Variants in CSTPP1 observed in about 807,000 individuals in gnomAD.
The protein encoded by CSTPP1 is UPF0705 protein C11orf49.
the CSTPP1 span, among the ~76,000 whole-genome samples, chr11:47,070,849 G>A: frequency 1.3e-5 from 2 of 152,072 alleles, no homozygotes; most frequent in Non-Finnish European, 2.9e-5. Context: ...ACTATCATAA[G>A]GCTACTCATG....
At chr11:47,003,082 G>A in the CSTPP1 span, among the ~76,000 whole-genome samples, 2 of 152,104 alleles carry the variant, frequency 1.3e-5, no homozygotes, top group African/African-American at 4.8e-5. Flanking sequence ...AGCCAAGGTG[G>A]GAAAATCACT....
At chr11:47,083,074 C>T in the CSTPP1 span, among the ~76,000 whole-genome samples, 1 of 151,692 alleles carries the variant, frequency 6.6e-6, no homozygotes, top group Non-Finnish European at 1.5e-5. Flanking sequence ...GTGTTGTTCC[C>T]CTCCCTGTGT....
At chr11:47,136,723 T>C in the CSTPP1 span, among the ~76,000 whole-genome samples, 3 of 152,102 alleles carry the variant, frequency 2.0e-5, no homozygotes, top group African/African-American at 7.2e-5. Flanking sequence ...CTCATCCTCC[T>C]CCCAATTAGG....
the CSTPP1 span, among the ~76,000 whole-genome samples, chr11:46,958,205 G>A: frequency 6.6e-6 from 1 of 151,608 alleles, no homozygotes; most frequent in Non-Finnish European, 1.5e-5. Flanking sequence ...TTGCTTTGTT[G>A]TCCAGGCTGG....
chr11:46,983,685 G>C, the CSTPP1 span, among the ~76,000 whole-genome samples: 1 of 152,076 alleles, frequency 6.6e-6, no homozygotes, highest in Non-Finnish European at 1.5e-5. Context: ...TTTATTGCCA[G>C]GCAAGAGCTT....
At chr11:47,136,107 T>C in the CSTPP1 span, among the ~76,000 whole-genome samples, 1 of 152,198 alleles carries the variant, frequency 6.6e-6, no homozygotes, top group South Asian at 2.1e-4. Context: ...AAGAATGCTA[T>C]CAGATATATC....
chr11:47,131,974 T>TAA, the CSTPP1 span, among the ~76,000 whole-genome samples: 272 of 142,174 alleles, frequency 1.9e-3, 2 homozygotes, highest in African/African-American at 6.5e-3. Context: ...GAGACTCTGT[T>TAA]AAAAAAAAAA....
the CSTPP1 span, among the ~76,000 whole-genome samples, chr11:47,118,314 T>C: frequency 1.3e-5 from 2 of 152,168 alleles, no homozygotes; most frequent in African/African-American, 4.8e-5. Flanking sequence ...TCATTTAAGG[T>C]CTTCTCTACA....
the CSTPP1 span, chr11:46,936,885 A>C: frequency 6.6e-7 from 1 of 1,526,010 alleles, no homozygotes; most frequent in Non-Finnish European, 8.8e-7. Context: ...GGAGGGAAAG[A>C]CGTGCAGACG....
At chr11:47,073,904 T>C in the CSTPP1 span, among the ~76,000 whole-genome samples, 1 of 152,198 alleles carries the variant, frequency 6.6e-6, no homozygotes, top group African/African-American at 2.4e-5. Flanking sequence ...TTTAGTGTAT[T>C]GAGGGTAGAA....
the CSTPP1 span, among the ~76,000 whole-genome samples, chr11:47,034,017 G>T: frequency 6.6e-6 from 1 of 151,752 alleles, no homozygotes; most frequent in South Asian, 2.1e-4. Flanking sequence ...TTTACGTTAG[G>T]TATATCTCCT....
chr11:47,050,123 A>G, the CSTPP1 span, among the ~76,000 whole-genome samples: 1 of 152,224 alleles, frequency 6.6e-6, no homozygotes, highest in Non-Finnish European at 1.5e-5. Context: ...CAGATACACC[A>G]GGAAAATACC....
the CSTPP1 span, chr11:46,936,802 A>G: frequency 1.6e-5 from 26 of 1,610,544 alleles, no homozygotes; most frequent in Non-Finnish European, 2.1e-5. Flanking sequence ...ACCCCGGTCA[A>G]AGGATGCTGA....
At chr11:47,014,840 G>A in the CSTPP1 span, among the ~76,000 whole-genome samples, 3 of 151,814 alleles carry the variant, frequency 2.0e-5, no homozygotes, top group Non-Finnish European at 4.4e-5. Flanking sequence ...AAGTTAGGGG[G>A]GAAGGGGATG....
chr11:47,080,777 G>C, the CSTPP1 span, among the ~76,000 whole-genome samples: 2 of 152,098 alleles, frequency 1.3e-5, no homozygotes, highest in Non-Finnish European at 2.9e-5. Context: ...GGGAGGCCGA[G>C]GCAGGCAGAT....
the CSTPP1 span, among the ~76,000 whole-genome samples, chr11:47,015,357 C>T: frequency 6.6e-6 from 1 of 151,854 alleles, no homozygotes; most frequent in African/African-American, 2.4e-5. Context: ...GCCTGTAATC[C>T]CAGCTACTCA....
chr11:47,075,705 G>A, the CSTPP1 span, among the ~76,000 whole-genome samples: 1 of 152,016 alleles, frequency 6.6e-6, no homozygotes, highest in Non-Finnish European at 1.5e-5. Context: ...GATCACCTGA[G>A]GTCAGGAGCT....
At chr11:47,144,722 A>G in the CSTPP1 span, among the ~76,000 whole-genome samples, 1 of 152,126 alleles carries the variant, frequency 6.6e-6, no homozygotes, top group African/African-American at 2.4e-5. Flanking sequence ...CACATCTGTA[A>G]GTCATTTGAG....
chr11:46,955,469 T>C, the CSTPP1 span, among the ~76,000 whole-genome samples: 1 of 151,474 alleles, frequency 6.6e-6, no homozygotes, highest in Non-Finnish European at 1.5e-5. Flanking sequence ...GTTAAAGCGA[T>C]TCCCCCGCCT....
Sources: allele counts gnomAD v4.1 joint callset (sites outside exome capture counted in the v4.1 genomes callset), GRCh38; gene constraint gnomAD v4.1.1; transcripts MANE v1.5; gene names NCBI Gene and HGNC (gene_info 2026-07-23, HGNC 2026-07-21).